The following CFHR1 variants were observed in gnomAD, a reference collection of about 807,000 sequenced individuals.
The protein encoded by CFHR1 is complement factor H related 1.
Under a neutral mutation model 30.4 loss-of-function variants are expected in CFHR1, and 22 were observed. The observed-to-expected ratio is 0.72, with a 90% CI of 0.52 to 1.03. The LOEUF is 1.03. Among genes scored for constraint, CFHR1 ranks in the 50% least tolerant of loss-of-function variants. The pLI, the probability that CFHR1 is intolerant of heterozygous loss-of-function variation, is 0.00. For missense variants in CFHR1, 248 were observed against 380.6 expected, an observed-to-expected ratio of 0.65 and a Z score of 2.90; for synonymous variants, 95 against 129.1, an observed-to-expected ratio of 0.74 and a Z score of 1.79.
At chr1:196,826,726 C>T in intron 2 of CFHR1, 103 bp from the exon 3 acceptor site, 3 of 1,130,330 alleles carry the variant, frequency 2.7e-6, no homozygotes, top group Non-Finnish European at 3.7e-6. Context: ...CAGAGATTAC[C>T]AGAGTGAGCC....
rs1290068610 is a variant in CFHR1, at chr1:196,824,051, T to C, written c.59-1426T>C. 2.2e-5 allele frequency among the ~76,000 whole-genome samples: 3 copies of C among 134,332 alleles called. 1 individual carries two copies. Among genetic ancestry groups the C allele is most frequent in the Admixed American group, 7.2e-5 (1 of 13,880 alleles). 88.1% of individuals were successfully genotyped at this position (134,332 alleles called of 152,430 possible). A position where few individuals can be genotyped will look rare whatever the true frequency, so the allele number is the denominator to read the frequency against. ...ATGAAGATTTCACCCATTTTCTACA[T>C]TGTTTTAATATATCTTGCACCATAG... On this transcript the variant is annotated intron_variant, in intron 1 of 5. Coordinates refer to ENST00000320493, the MANE Select transcript of CFHR1 (RefSeq NM_002113.3).
Position 196,825,403 on chromosome 1 carries a change from T to C in CFHR1, c.59-74T>C, listed in dbSNP as rs1573148042. Reference sequence around the variant, plus strand: ...TGAAAGAAAAACACTATAAGTGAGATGATTAAAATATAATCTAGTGATTTA... The same window carrying C: ...TGAAAGAAAAACACTATAAGTGAGACGATTAAAATATAATCTAGTGATTTA... On this transcript the variant is annotated intron_variant, in intron 1 of 5. Transcript: ENST00000320493. The C allele has an allele frequency of 9.2e-6, 10 of 1,091,720 alleles. 2 individuals carry two copies. The highest frequency in any genetic ancestry group is 1.3e-5 in the Non-Finnish European group (10 of 776,028). 67.6% of individuals were successfully genotyped at this position (1,091,720 alleles called of 1,614,324 possible).
At position 196,825,797 on chromosome 1, in the gene CFHR1, G is replaced by T; in HGVS notation, c.253+126G>T. The stretch of plus-strand genomic sequence containing the variant: ...CAAAGAAGCTGGAAAGATGGGAGAT[G>T]TAGTCCCCCTATTTTGAGATGCCTC... On this transcript the variant is annotated intron_variant, in intron 2 of 5. Coordinates refer to ENST00000320493, the MANE Select transcript of CFHR1 (RefSeq NM_002113.3). 3.2e-6 allele frequency: 3 copies of T among 944,184 alleles called. No homozygotes were observed. The South Asian group carries it at 5.1e-5, about 16-fold the overall frequency. The allele number at this position is 944,184 out of a possible 1,614,324, so 58.5% of individuals were successfully genotyped here. A position where few individuals can be genotyped will look rare whatever the true frequency, so the allele number is the denominator to read the frequency against.
At chr1:196,823,878 GC>G (rs1482591051) in intron 1 of CFHR1, among the ~76,000 whole-genome samples, 1 of 134,230 alleles carries the variant, frequency 7.4e-6, no homozygotes, top group Non-Finnish European at 1.6e-5. Flanking sequence ...GGGAGCTTAT[GC>G]ATGTGGTAGG....
intron 1 of CFHR1, among the ~76,000 whole-genome samples, chr1:196,821,379 C>CA (rs1369040955): frequency 4.7e-5 from 4 of 85,144 alleles, no homozygotes; most frequent in African/African-American, 2.0e-4. Flanking sequence ...CTCCTCCCAC[C>CA]AAAAAAAAGT....
chr1:196,821,586 T>G (rs2124883656), intron 1 of CFHR1, among the ~76,000 whole-genome samples: 1 of 50,948 alleles, frequency 2.0e-5, no homozygotes, highest in East Asian at 3.7e-4. Flanking sequence ...TAGCAAAATA[T>G]TTATCAAGCA....
At position 196,827,014 on chromosome 1, in the gene CFHR1, A is replaced by AATGCTGTTCTCTCAT. The variant is rs1655354586; in HGVS notation, c.430+18_430+32dup. 3 of 1,520,084 alleles carry AATGCTGTTCTCTCAT rather than the reference A, an allele frequency of 2.0e-6. 1 individual carries two copies. In the African/African-American group the frequency reaches 5.2e-5, roughly 26 times the overall value. 94.2% of individuals were successfully genotyped at this position (1,520,084 alleles called of 1,614,324 possible). On this transcript the variant is annotated intron_variant, in intron 3 of 5. Coordinates refer to ENST00000320493, the MANE Select transcript of CFHR1 (RefSeq NM_002113.3). ...CAAATGCAGGTCCACTGGTAAGTAC[A>AATGCTGTTCTCTCAT]ATGCTGTTCTCTCATATGCTGTTAT...
Position 196,819,918 on chromosome 1 carries a change from A to ACCTGAATATT in CFHR1, c.58+17_58+26dup. The ACCTGAATATT allele has an allele frequency of 6.0e-6, 2 of 333,958 alleles. No individual in the cohort carries two copies. The highest frequency in any genetic ancestry group is 1.0e-5 in the Non-Finnish European group (2 of 195,710). The allele number at this position is 333,958 out of a possible 1,614,324, so 20.7% of individuals were successfully genotyped here. On this transcript the variant is annotated intron_variant, in intron 1 of 5. Transcript: ENST00000320493. ...GGGGGAGAAGGTAAGTTCAAAACAG[A>ACCTGAATATT]CCTGAATATTTAGTTCCTTTTTCAG...
intron 5 of CFHR1, 44 bp from the exon 6 acceptor site, chr1:196,831,753 T>C (rs1655567102): frequency 6.8e-7 from 1 of 1,470,770 alleles, no homozygotes; most frequent in Admixed American, 1.7e-5. Flanking sequence ...TATGAAGATT[T>C]GCATACTACT....
chr1:196,831,801 G>A lies in CFHR1; in HGVS notation c.795G>A (p.Pro265=), dbSNP rs766719031. The A allele has an allele frequency of 1.3e-6, 2 of 1,522,556 alleles. No homozygotes were observed. Among genetic ancestry groups the A allele is most frequent in the Non-Finnish European group, 1.8e-6 (2 of 1,126,792 alleles). 94.3% of individuals were successfully genotyped at this position (1,522,556 alleles called of 1,614,324 possible). The part of the protein sequence containing the change: ...QWSEPPKCLH[P]CVISREIMEN... ...TTTACTGTTTTTTATTTTCAGATCC[G>A]TGTGTAATATCCCGAGAAATTATGG... The change falls in exon 6 of 6, where the codon CCG becomes CCA. Residue 265 remains proline (P), a synonymous_variant. Transcript: ENST00000320493.
Position 196,830,373 on chromosome 1 carries a change from A to C in CFHR1, c.608-127A>C. 2.7e-6 allele frequency: 3 copies of C among 1,104,854 alleles called. 1 individual carries two copies. The East Asian group carries it at 7.2e-5, about 27-fold the overall frequency. The allele number at this position is 1,104,854 out of a possible 1,614,324, so 68.4% of individuals were successfully genotyped here. A position where few individuals can be genotyped will look rare whatever the true frequency, so the allele number is the denominator to read the frequency against. On this transcript the variant is annotated intron_variant, in intron 4 of 5. Transcript: ENST00000320493. The stretch of plus-strand genomic sequence containing the variant: ...AGGATTAAAATTTCTTCCAGGACTC[A>C]TTTCTTTTACCAGAAATCACAAAAC...
At chr1:196,827,047 A>G (rs1300948442) in intron 3 of CFHR1, 42 bp downstream of exon 3, 2 of 1,476,880 alleles carry the variant, frequency 1.4e-6, no homozygotes, top group East Asian at 2.2e-5. Context: ...TATCTATTAT[A>G]AAGTTTGAGA....
chr1:196,828,799 T>C (rs1390845879), intron 4 of CFHR1, among the ~76,000 whole-genome samples: 2 of 51,106 alleles, frequency 3.9e-5, no homozygotes, highest in East Asian at 1.6e-3. Context: ...TCCTGTGTTT[T>C]TTTTTTTTTT....
intron 2 of CFHR1, 165 bp downstream of exon 2, chr1:196,825,836 T>C: frequency 1.6e-6 from 1 of 643,264 alleles, no homozygotes; most frequent in Non-Finnish European, 2.6e-6. Context: ...TAAGAATCAA[T>C]GAAGAATAAA....
At chr1:196,829,433 G>A (rs1206938659) in intron 4 of CFHR1, among the ~76,000 whole-genome samples, 2 of 135,482 alleles carry the variant, frequency 1.5e-5, no homozygotes, top group East Asian at 3.9e-4. Flanking sequence ...GGATCCTGAA[G>A]TCTCAAGCTC....
At position 196,831,086 on chromosome 1, in the gene CFHR1, C is replaced by T. The variant is rs189558986; in HGVS notation, c.790+404C>T. On this transcript the variant is annotated intron_variant, in intron 5 of 5. Coordinates refer to ENST00000320493, the MANE Select transcript of CFHR1 (RefSeq NM_002113.3). ...GGCGGAGCTTGCAGTGAGCCGAGTT[C>T]GCGCCACTGCACTCCAGCCTGGGCG... Among the ~76,000 whole-genome samples, 55 of 135,548 alleles carry T rather than the reference C, an allele frequency of 4.1e-4. 7 individuals are homozygous for T. Among genetic ancestry groups the T allele is most frequent in the East Asian group, 3.3e-3 (17 of 5,102 alleles). The allele number at this position is 135,548 out of a possible 152,430, so 88.9% of individuals were successfully genotyped here.
Position 196,825,308 on chromosome 1 carries a change from T to C in CFHR1, c.59-169T>C. Reference sequence around the variant, plus strand: ...ACCTCCTCAAATAGTCATGTACTCCTAGTTAGTGATGCTTTTCATTCCTAA... The same window carrying C: ...ACCTCCTCAAATAGTCATGTACTCCCAGTTAGTGATGCTTTTCATTCCTAA... On this transcript the variant is annotated intron_variant, in intron 1 of 5. Transcript: ENST00000320493. The C allele has an allele frequency of 4.3e-6, 2 of 466,706 alleles. 1 individual carries two copies. The highest frequency in any genetic ancestry group is 7.1e-6 in the Non-Finnish European group (2 of 280,554). The allele number at this position is 466,706 out of a possible 1,614,324, so 28.9% of individuals were successfully genotyped here.
chr1:196,822,375 A>G lies in CFHR1; in HGVS notation c.58+2473A>G, dbSNP rs1462964194. Among the ~76,000 whole-genome samples the G allele has an allele frequency of 1.5e-5, 2 of 133,486 alleles. 1 individual carries two copies. The highest frequency in any genetic ancestry group is 6.5e-5 in the African/African-American group (2 of 30,870). The allele number at this position is 133,486 out of a possible 152,430, so 87.6% of individuals were successfully genotyped here. On this transcript the variant is annotated intron_variant, in intron 1 of 5. Coordinates refer to ENST00000320493, the MANE Select transcript of CFHR1 (RefSeq NM_002113.3). ...AATAAATTAACCTTAGTTTATGTTA[A>G]CCTTTTTACTTCATCAACTTTAATT...
In CFHR1 at chr1:196,823,129, G is replaced by A. The variant is rs1443039722; in HGVS notation, c.59-2348G>A. Among the ~76,000 whole-genome samples, 6 of 128,124 alleles carry A rather than the reference G, an allele frequency of 4.7e-5. 2 individuals are homozygous for A. Among genetic ancestry groups the A allele is most frequent in the African/African-American group, 2.1e-4 (6 of 28,926 alleles). 84.1% of individuals were successfully genotyped at this position (128,124 alleles called of 152,430 possible). A position where few individuals can be genotyped will look rare whatever the true frequency, so the allele number is the denominator to read the frequency against. ...TGTGTGTGTGTGTGTGTGTGTGTGT[G>A]TGTGTATCCCAGAAGAAATGTATTC... On this transcript the variant is annotated intron_variant, in intron 1 of 5. Coordinates refer to ENST00000320493, the MANE Select transcript of CFHR1 (RefSeq NM_002113.3).
Sources: allele counts gnomAD v4.1 joint callset (sites outside exome capture counted in the v4.1 genomes callset), GRCh38; gene constraint gnomAD v4.1.1; transcripts MANE v1.5; gene names NCBI Gene and HGNC (gene_info 2026-07-23, HGNC 2026-07-21).